Variants in TULP4 observed in about 807,000 individuals in gnomAD.
TULP4 encodes tubby-related protein 4.
Under a neutral mutation model 129.0 loss-of-function variants are expected in TULP4, and 16 were observed. The observed-to-expected ratio is 0.12, with a 90% CI of 0.08 to 0.19. The LOEUF is 0.19. Ranked by LOEUF, TULP4 falls within the 10% of genes least tolerant of loss-of-function variation. TULP4 has a pLI of 1.00. For synonymous variants in TULP4, 998 were observed against 854.0 expected, an observed-to-expected ratio of 1.17 and a Z score of -2.94; for missense variants, 1,842 against 2,059.1, an observed-to-expected ratio of 0.89 and a Z score of 2.04.
intron 1 of TULP4, among the ~76,000 whole-genome samples, chr6:158,400,928 G>A (rs74385301): frequency 3.8e-4 from 58 of 152,250 alleles, no homozygotes; most frequent in East Asian, 1.7e-3. Flanking sequence ...GCAGAGAACC[G>A]TTGATACAGG....
intron 1 of TULP4, among the ~76,000 whole-genome samples, chr6:158,240,838 CG>C (rs932004341): frequency 6.7e-6 from 1 of 148,332 alleles, no homozygotes; most frequent in African/African-American, 2.5e-5. Context: ...GCTGGCTGGG[CG>C]GGGGGGCTGA....
chr6:158,267,649 C>G (rs1778471027), intron 1 of TULP4, among the ~76,000 whole-genome samples: 1 of 152,192 alleles, frequency 6.6e-6, no homozygotes, highest in Admixed American at 6.5e-5. Context: ...AATTTATACC[C>G]TTTCTCAATT....
At chr6:158,315,638 C>T (rs960253260) in intron 1 of TULP4, among the ~76,000 whole-genome samples, 2 of 152,188 alleles carry the variant, frequency 1.3e-5, no homozygotes, top group Admixed American at 1.3e-4. Flanking sequence ...TAATCCATTC[C>T]TGCTGCTGAA....
At chr6:158,395,955 G>A (rs1372711495) in intron 1 of TULP4, among the ~76,000 whole-genome samples, 4 of 152,018 alleles carry the variant, frequency 2.6e-5, no homozygotes, top group Admixed American at 6.5e-5. Context: ...TATGAAATAC[G>A]ATGTCGAGTG....
chr6:158,310,006 A>G (rs11758177), upstream of TULP4, among the ~76,000 whole-genome samples: 131,054 of 151,246 alleles, frequency 0.87, 57,159 homozygotes, highest in Admixed American at 0.92. Flanking sequence ...TGGCAGGCTT[A>G]CTTTGTTCAT....
At chr6:158,414,001 C>T (rs371816362) in intron 2 of TULP4, among the ~76,000 whole-genome samples, 6 of 152,366 alleles carry the variant, frequency 3.9e-5, no homozygotes, top group African/African-American at 1.2e-4. Context: ...CTTGGATTCT[C>T]ATCCTTCCCT....
At chr6:158,453,485 C>CAAAAAAAAAAAAAAAAAAAAAAAAAAAA (rs869146924) in intron 5 of TULP4, among the ~76,000 whole-genome samples, 1 of 17,982 alleles carries the variant, frequency 5.6e-5, no homozygotes, top group African/African-American at 2.1e-4. Context: ...CTCTGTCTCA[C>CAAAAAAAAAAAAAAAAAAAAAAAAAAAA]AAAAAAAAAA....
intron 9 of TULP4, among the ~76,000 whole-genome samples, chr6:158,490,096 T>C (rs971208725): frequency 6.6e-6 from 1 of 152,108 alleles, no homozygotes; most frequent in Admixed American, 6.6e-5. Flanking sequence ...GAATGCCAGA[T>C]AAGATGCCTG....
chr6:158,282,837 GTTATA>G (rs1778777851), intron 1 of TULP4: 1 of 151,948 alleles, frequency 6.6e-6, no homozygotes, highest in African/African-American at 2.4e-5. Flanking sequence ...TATACAGAAC[GTTATA>G]TTATATGAAA....
At chr6:158,461,441 A>T (rs1779424707) in intron 5 of TULP4, 122 bp from the exon 6 acceptor site, 6 of 936,982 alleles carry the variant, frequency 6.4e-6, no homozygotes, top group Non-Finnish European at 7.8e-6. Flanking sequence ...AAAACCATGA[A>T]TATATTTTTG....
At chr6:158,377,375 A>G (rs2114900824) in intron 1 of TULP4, among the ~76,000 whole-genome samples, 1 of 152,368 alleles carries the variant, frequency 6.6e-6, no homozygotes, top group South Asian at 2.1e-4. Flanking sequence ...CCTTAGGAGT[A>G]TTACATGAGG....
At chr6:158,304,723 G>GTGGTGTGAT (rs1779185847) in intron 1 of TULP4, among the ~76,000 whole-genome samples, 1 of 150,894 alleles carries the variant, frequency 6.6e-6, no homozygotes. Context: ...CTGAAGTACA[G>GTGGTGTGAT]TGGTGTGATC....
At chr6:158,480,992 T>C in intron 7 of TULP4, 63 bp from the exon 8 acceptor site, 1 of 1,468,946 alleles carries the variant, frequency 6.8e-7, no homozygotes, top group South Asian at 1.3e-5. Context: ...GTGCCCACTC[T>C]CTTTCCCTCT....
intron 1 of TULP4, among the ~76,000 whole-genome samples, chr6:158,404,506 G>T (rs149001915): frequency 6.6e-6 from 1 of 151,638 alleles, no homozygotes; most frequent in East Asian, 1.9e-4. Flanking sequence ...GGCCAGGTGC[G>T]GTGGCTCAGG....
intron 3 of TULP4, among the ~76,000 whole-genome samples, chr6:158,433,600 A>G (rs1778682812): frequency 6.6e-6 from 1 of 152,036 alleles, no homozygotes; most frequent in South Asian, 2.1e-4. Flanking sequence ...AGTCCCAGCT[A>G]CTCCGGAGGC....
intron 1 of TULP4, chr6:158,238,177 T>C: frequency 1.3e-6 from 1 of 782,006 alleles, no homozygotes; most frequent in South Asian, 1.4e-5. Flanking sequence ...AAATATTCTC[T>C]TGAGAAATTT....
chr6:158,279,402 A>T (rs1778708196), upstream of TULP4, among the ~76,000 whole-genome samples: 1 of 152,194 alleles, frequency 6.6e-6, no homozygotes, highest in Non-Finnish European at 1.5e-5. Context: ...CTCAAGTATG[A>T]TAGAATGAAA....
intron 1 of TULP4, among the ~76,000 whole-genome samples, chr6:158,407,731 A>G (rs1778001092): frequency 6.6e-6 from 1 of 152,244 alleles, no homozygotes; most frequent in Admixed American, 6.5e-5. Flanking sequence ...AGCCGGTCAC[A>G]AAAGAGAACA....
chr6:158,305,723 C>T (rs959070325), intron 1 of TULP4, among the ~76,000 whole-genome samples: 1 of 148,508 alleles, frequency 6.7e-6, no homozygotes, highest in Non-Finnish European at 1.5e-5. Context: ...AAAAAAAAGT[C>T]ATTTATATTG....
Sources: allele counts gnomAD v4.1 joint callset (sites outside exome capture counted in the v4.1 genomes callset), GRCh38; gene constraint gnomAD v4.1.1; transcripts MANE v1.5; gene names NCBI Gene and HGNC (gene_info 2026-07-23, HGNC 2026-07-21).